SESTD1: variants seen among roughly 807,000 people sequenced by gnomAD.
SESTD1 encodes the protein SEC14 and spectrin domain containing 1.
In SESTD1, 43 loss-of-function variants were observed where a neutral mutation model predicts 101.7. The ratio of observed to expected loss-of-function variants is 0.42; its 90% CI spans 0.33 to 0.55. The LOEUF (loss-of-function observed/expected upper bound fraction) is 0.55, where lower values mean the gene tolerates loss of function less well. Among genes scored for constraint, SESTD1 ranks in the 20% least tolerant of loss-of-function variants. SESTD1 has a pLI of 0.07. For missense variants in SESTD1, 647 were observed against 815.1 expected, an observed-to-expected ratio of 0.79 and a Z score of 2.51; for synonymous variants, 283 against 286.8, an observed-to-expected ratio of 0.99 and a Z score of 0.13.
chr2:179,251,310 A>G (rs969677309), intron 1 of SESTD1, among the ~76,000 whole-genome samples: 5 of 152,156 alleles, frequency 3.3e-5, no homozygotes, highest in African/African-American at 1.2e-4. Context: ...GAAACTCTTT[A>G]TATCTTGCTA....
intron 5 of SESTD1, among the ~76,000 whole-genome samples, chr2:179,168,856 AATGGG>A (rs1463647207): frequency 6.6e-6 from 1 of 152,226 alleles, no homozygotes; most frequent in Non-Finnish European, 1.5e-5. Context: ...GCATAACAAT[AATGGG>A]ATGGAAGTAT....
At chr2:179,264,069 G>C (rs1030129173) in intron 1 of SESTD1, 2 of 152,324 alleles carry the variant, frequency 1.3e-5, no homozygotes, top group African/African-American at 4.8e-5. Flanking sequence ...TCTGGTTCCT[G>C]CACGCTGGCA....
intron 1 of SESTD1, among the ~76,000 whole-genome samples, chr2:179,207,517 C>T (rs145096364): frequency 1.5e-5 from 2 of 135,244 alleles, no homozygotes; most frequent in East Asian, 4.0e-4. Context: ...TGAGCAGGTG[C>T]TGATAACCAC....
At chr2:179,117,434 C>A in intron 14 of SESTD1, 98 bp downstream of exon 14, 1 of 1,112,278 alleles carries the variant, frequency 9.0e-7, no homozygotes, top group East Asian at 2.8e-5. Flanking sequence ...CAAGAATTTA[C>A]TTTTTTAGGA....
At chr2:179,231,143 G>C (rs1184120510) in intron 1 of SESTD1, among the ~76,000 whole-genome samples, 1 of 152,144 alleles carries the variant, frequency 6.6e-6, no homozygotes, top group Admixed American at 6.5e-5. Context: ...GAAAATTGTG[G>C]TCACCATGAG....
intron 8 of SESTD1, 44 bp from the exon 9 acceptor site, chr2:179,143,847 T>C (rs777053142): frequency 1.3e-6 from 2 of 1,588,138 alleles, no homozygotes. Context: ...TGTAAAGAAA[T>C]GTAATTCTCA....
Position 179,142,384 on chromosome 2 carries a change from T to C in SESTD1, c.849+1208A>G, listed in dbSNP as rs114527029. On this transcript the variant is annotated intron_variant, in intron 9 of 17. Transcript: ENST00000428443. ...AAACACTAGCCTTTCAAAAGGGGTATTATTATTCCTGTTTCAATTAAGCAA... is the reference window on the plus strand; with the variant it reads ...AAACACTAGCCTTTCAAAAGGGGTACTATTATTCCTGTTTCAATTAAGCAA... Among the ~76,000 whole-genome samples, 967 of 152,054 alleles carry C rather than the reference T, an allele frequency of 6.4e-3. 5 individuals are homozygous for C. The highest frequency in any genetic ancestry group is 9.9e-3 in the Non-Finnish European group (676 of 67,964).
intron 1 of SESTD1, among the ~76,000 whole-genome samples, chr2:179,197,469 A>T (rs2046420200): frequency 2.6e-5 from 4 of 152,136 alleles, no homozygotes; most frequent in Admixed American, 6.5e-5. Flanking sequence ...CACCACAAAG[A>T]TACTCTTCGA....
chr2:179,206,797 TG>T (rs1272218737), intron 1 of SESTD1, among the ~76,000 whole-genome samples: 1 of 133,794 alleles, frequency 7.5e-6, no homozygotes, highest in Admixed American at 7.2e-5. Flanking sequence ...TGTGAAGGCT[TG>T]TACCTGAGGG....
intron 1 of SESTD1, among the ~76,000 whole-genome samples, chr2:179,243,707 C>T (rs1043830002): frequency 4.4e-5 from 6 of 135,398 alleles, no homozygotes; most frequent in Admixed American, 7.7e-5. Flanking sequence ...AGCTAAACTA[C>T]GGGTACACAT....
At chr2:179,185,542 T>C (rs542641394) in intron 2 of SESTD1, among the ~76,000 whole-genome samples, 2 of 136,304 alleles carry the variant, frequency 1.5e-5, no homozygotes, top group South Asian at 4.4e-4. Flanking sequence ...ATGTAATATA[T>C]GATATGTACA....
intron 16 of SESTD1, among the ~76,000 whole-genome samples, chr2:179,113,214 AGTTTAT>A (rs1340397814): frequency 2.1e-4 from 32 of 152,330 alleles, no homozygotes; most frequent in Admixed American, 1.0e-3. Context: ...TTTATTGAAC[AGTTTAT>A]GTTTATGTAG....
intron 1 of SESTD1, among the ~76,000 whole-genome samples, chr2:179,217,755 A>T (rs2046746013): frequency 6.6e-6 from 1 of 152,220 alleles, no homozygotes; most frequent in Non-Finnish European, 1.5e-5. Context: ...GATAGACTGG[A>T]TTAAGAAAAT....
chr2:179,187,024 A>G (rs749866195), intron 2 of SESTD1, among the ~76,000 whole-genome samples: 6 of 152,170 alleles, frequency 3.9e-5, no homozygotes, highest in African/African-American at 9.7e-5. Flanking sequence ...CCACCAAACT[A>G]AGCTTTATAA....
intron 1 of SESTD1, among the ~76,000 whole-genome samples, chr2:179,244,514 A>C (rs1052723610): frequency 1.3e-5 from 2 of 152,060 alleles, no homozygotes; most frequent in Non-Finnish European, 2.9e-5. Flanking sequence ...GAGTGGTACA[A>C]TATTTTTCAA....
At chr2:179,139,870 T>C (rs2045239079) in intron 9 of SESTD1, among the ~76,000 whole-genome samples, 1 of 152,150 alleles carries the variant, frequency 6.6e-6, no homozygotes, top group Non-Finnish European at 1.5e-5. Flanking sequence ...TTTGAGGGTC[T>C]CCTCCCATTT....
chr2:179,171,946 C>T (rs952474706), intron 5 of SESTD1, among the ~76,000 whole-genome samples, 174 bp downstream of exon 5: 1 of 152,038 alleles, frequency 6.6e-6, no homozygotes, highest in African/African-American at 2.4e-5. Flanking sequence ...AACAAAATAT[C>T]ATACTTCATT....
intron 5 of SESTD1, among the ~76,000 whole-genome samples, chr2:179,154,728 C>T (rs1286006803): frequency 6.6e-6 from 1 of 151,896 alleles, no homozygotes; most frequent in Non-Finnish European, 1.5e-5. Context: ...ACAATTTGGT[C>T]TCTTAAAAAA....
chr2:179,196,867 G>A lies in SESTD1; in HGVS notation c.-25-5001C>T, dbSNP rs534845282. 5.4e-3 allele frequency among the ~76,000 whole-genome samples: 820 copies of A among 152,306 alleles called. 6 individuals carry two copies. The highest frequency in any genetic ancestry group is 0.019 in the African/African-American group (773 of 41,570). ...ACCACAAAGATGGGGAAAAAACAGA[G>A]AAGAAAAACGGGAAACTCTGAAAAG... On this transcript the variant is annotated intron_variant, in intron 1 of 17. Transcript: ENST00000428443.
Sources: gnomAD v4.1 joint callset for allele counts (sites outside exome capture counted in the v4.1 genomes callset) on GRCh38, gnomAD v4.1.1 for gene constraint, MANE v1.5 for transcripts, NCBI Gene and HGNC (gene_info 2026-07-23, HGNC 2026-07-21) for gene names.